KAZN: variants seen among roughly 807,000 people sequenced by gnomAD.
The protein encoded by KAZN is kazrin.
In KAZN, 40 loss-of-function variants were observed where a neutral mutation model predicts 87.4. The ratio of observed to expected loss-of-function variants is 0.46; its 90% CI spans 0.36 to 0.60. KAZN has a LOEUF of 0.60. Among genes scored for constraint, KAZN ranks in the 20% least tolerant of loss-of-function variants. The pLI is 0.00. For synonymous variants in KAZN, 466 were observed against 458.3 expected (o/e 1.02, Z -0.22); for missense variants, 898 against 1,073.9 (o/e 0.84, Z 2.29).
At chr1:14,415,729 G>C (rs867152726) in intron 2 of KAZN, among the ~76,000 whole-genome samples, 3 of 152,170 alleles carry the variant, frequency 2.0e-5, no homozygotes, top group African/African-American at 7.2e-5. Context: ...AGGTGTAGTA[G>C]TAAGTAGGAC....
chr1:15,041,328 TTTC>T (rs1672887415), intron 3 of KAZN, among the ~76,000 whole-genome samples: 1 of 105,590 alleles, frequency 9.5e-6, no homozygotes, highest in Non-Finnish European at 1.9e-5. Context: ...CCGCATTTTT[TTTC>T]TTTTTTTTTT....
chr1:14,445,118 C>T (rs1406339668), intron 2 of KAZN, among the ~76,000 whole-genome samples: 1 of 151,944 alleles, frequency 6.6e-6, no homozygotes, highest in Non-Finnish European at 1.5e-5. Context: ...TTCCGCCTCC[C>T]GGGTTCAAGC....
chr1:14,417,464 T>C (rs1664890528), intron 2 of KAZN, among the ~76,000 whole-genome samples: 1 of 152,142 alleles, frequency 6.6e-6, no homozygotes, highest in South Asian at 2.1e-4. Flanking sequence ...AGGAAACCAA[T>C]TTCAGCTGCT....
At chr1:13,913,106 A>G (rs1356553541) in intron 1 of KAZN, among the ~76,000 whole-genome samples, 1 of 152,124 alleles carries the variant, frequency 6.6e-6, no homozygotes, top group Non-Finnish European at 1.5e-5. Context: ...GTTAATATTG[A>G]ACTGCAAGAG....
chr1:14,196,782 G>A (rs1646534698), intron 2 of KAZN, among the ~76,000 whole-genome samples: 1 of 152,028 alleles, frequency 6.6e-6, no homozygotes, highest in Non-Finnish European at 1.5e-5. Flanking sequence ...GTGTAAATGA[G>A]GAGAGGAGAA....
chr1:14,948,799 A>G (rs1469494110), intron 1 of KAZN, among the ~76,000 whole-genome samples: 2 of 152,110 alleles, frequency 1.3e-5, no homozygotes, highest in African/African-American at 4.8e-5. Context: ...TCCCATCCCA[A>G]GTCAGCCCAC....
chr1:15,018,600 T>TA (rs3037647), intron 2 of KAZN, among the ~76,000 whole-genome samples: 8,567 of 146,382 alleles, frequency 0.059, 555 homozygotes, highest in African/African-American at 0.16. Context: ...GGAGTTGATT[T>TA]AAAAAAAAAA....
intron 2 of KAZN, among the ~76,000 whole-genome samples, chr1:14,219,900 A>G (rs1046785826): frequency 3.3e-5 from 5 of 152,208 alleles, no homozygotes; most frequent in Admixed American, 6.5e-5. Flanking sequence ...ATCACTCAAC[A>G]TGACTGAAAC....
intron 2 of KAZN, among the ~76,000 whole-genome samples, chr1:14,414,457 A>C (rs1382549568): frequency 6.6e-6 from 1 of 152,196 alleles, no homozygotes; most frequent in Non-Finnish European, 1.5e-5. Context: ...ATGTCATACA[A>C]CAGTTAAAAT....
intron 2 of KAZN, among the ~76,000 whole-genome samples, chr1:14,563,155 C>A (rs927632150): frequency 2.0e-5 from 3 of 152,186 alleles, no homozygotes; most frequent in African/African-American, 7.2e-5. Flanking sequence ...GCTCCAAGCA[C>A]CAAGGCCTCC....
chr1:14,714,753 G>T (rs1243763207), intron 1 of KAZN, among the ~76,000 whole-genome samples: 1 of 151,416 alleles, frequency 6.6e-6, no homozygotes, highest in Non-Finnish European at 1.5e-5. Flanking sequence ...ACACTTTGGG[G>T]ATGAAAAGAC....
chr1:14,896,883 T>C (rs927712887), intron 1 of KAZN, among the ~76,000 whole-genome samples: 1 of 152,216 alleles, frequency 6.6e-6, no homozygotes, highest in African/African-American at 2.4e-5. Flanking sequence ...GTTTAGATTC[T>C]GACTCTTCCA....
intron 1 of KAZN, among the ~76,000 whole-genome samples, chr1:14,107,046 T>TCTTCCTTCCTTC (rs376917946): frequency 8.7e-6 from 1 of 115,456 alleles, no homozygotes; most frequent in African/African-American, 3.5e-5. Context: ...TCCCTTCCTT[T>TCTTCCTTCCTTC]CTTCCTTCCT....
At chr1:14,351,087 G>A (rs1292701722) in intron 2 of KAZN, 4 of 152,178 alleles carry the variant, frequency 2.6e-5, no homozygotes, top group Non-Finnish European at 5.9e-5. Context: ...TCCGCAGAGT[G>A]GGCTCCAGGT....
chr1:14,416,532 T>C (rs188567123), intron 2 of KAZN, among the ~76,000 whole-genome samples: 184 of 152,122 alleles, frequency 1.2e-3, no homozygotes, highest in African/African-American at 4.3e-3. Context: ...AGGTCAGGCG[T>C]TCAAGACAAG....
intron 1 of KAZN, among the ~76,000 whole-genome samples, chr1:14,068,510 A>G (rs1643108223): frequency 1.3e-5 from 2 of 152,194 alleles, no homozygotes; most frequent in South Asian, 4.1e-4. Flanking sequence ...TGCATTAAAA[A>G]AAAATCTCAT....
chr1:14,451,433 C>G (rs1393803882), intron 2 of KAZN, among the ~76,000 whole-genome samples: 1 of 152,072 alleles, frequency 6.6e-6, no homozygotes, highest in Non-Finnish European at 1.5e-5. Flanking sequence ...TGGTTACAGA[C>G]AACAGAAACC....
At position 14,763,034 on chromosome 1, in the gene KAZN, AG is replaced by A. The variant is rs113241684; in HGVS notation, c.226+163813del. On this transcript the variant is annotated intron_variant, in intron 1 of 14. Transcript: ENST00000376030. ...AACTTGGCAGTCTGTGAGCTTTCAA[AG>A]GACTTTCTCCTCATCCTGTTTTGAC... Among the ~76,000 whole-genome samples the A allele has an allele frequency of 5.1e-3, 774 of 152,338 alleles. 5 individuals are homozygous for A. Among genetic ancestry groups the A allele is most frequent in the African/African-American group, 0.018 (752 of 41,572 alleles).
chr1:15,025,144 G>A (rs1187706135), intron 2 of KAZN, among the ~76,000 whole-genome samples: 1 of 132,894 alleles, frequency 7.5e-6, no homozygotes, highest in Non-Finnish European at 1.6e-5. Context: ...GGACAGACCA[G>A]GTCCCTGCCC....
Sources: gnomAD v4.1 joint callset for allele counts (sites outside exome capture counted in the v4.1 genomes callset) on GRCh38, gnomAD v4.1.1 for gene constraint, MANE v1.5 for transcripts, NCBI Gene and HGNC (gene_info 2026-07-23, HGNC 2026-07-21) for gene names.